Variants in KIF18B observed in about 807,000 individuals in gnomAD.
KIF18B encodes kinesin-like protein KIF18B.
KIF18B carries 49 observed loss-of-function variants against 80.9 expected under a neutral mutation model. The observed-to-expected ratio is 0.61, with a 90% CI of 0.48 to 0.77. The LOEUF (loss-of-function observed/expected upper bound fraction) is 0.77, where lower values mean the gene tolerates loss of function less well. Ranked by LOEUF, KIF18B falls within the 30% of genes least tolerant of loss-of-function variation. The pLI is 0.00. For synonymous variants in KIF18B, 439 were observed against 463.9 expected (o/e 0.95, Z 0.69); for missense variants, 994 against 1,127.7 (o/e 0.88, Z 1.70).
At chr17:44,935,084 AGGGTGAACAGGC>A in intron 3 of KIF18B, 149 bp from the exon 4 acceptor site, 1 of 874,264 alleles carries the variant, frequency 1.1e-6, no homozygotes, top group Non-Finnish European at 1.7e-6. Context: ...TGACCACAGC[AGGGTGAACAGGC>A]GGGTGTCTCT....
chr17:44,930,270 C>G (rs1317114285), intron 11 of KIF18B, among the ~76,000 whole-genome samples: 1 of 152,202 alleles, frequency 6.6e-6, no homozygotes, highest in East Asian at 1.9e-4. Flanking sequence ...CTATGTGAGC[C>G]TGGACAAAGG....
intron 1 of KIF18B, among the ~76,000 whole-genome samples, chr17:44,941,056 T>C (rs2052405490): frequency 6.6e-6 from 1 of 152,178 alleles, no homozygotes; most frequent in African/African-American, 2.4e-5. Context: ...ACAAGATGGA[T>C]ACTATTATTA....
In KIF18B at chr17:44,932,723, G is replaced by T; in HGVS notation, c.1188C>A (p.Pro396=). 1 of 1,613,142 alleles carries T rather than the reference G, an allele frequency of 6.2e-7. No individual in the cohort carries two copies. Among genetic ancestry groups the T allele is most frequent in the Non-Finnish European group, 8.5e-7 (1 of 1,179,746 alleles). The part of the protein sequence containing the change: ...KLQVYEGGGQ[P]PPQDLPGSPK... Reference sequence around the variant, plus strand: ...GAGATCCTGGGAGGTCCTGTGGTGGGGGCTGGCCTCCCCCCTCATACACTT... The same window carrying T: ...GAGATCCTGGGAGGTCCTGTGGTGGTGGCTGGCCTCCCCCCTCATACACTT... The change falls in exon 9 of 16, where the codon CCC becomes CCA. Residue 396 remains proline, a synonymous_variant. Coordinates refer to ENST00000593135, the MANE Select transcript of KIF18B (RefSeq NM_001265577.2).
At chr17:44,937,682 G>A (rs1042694501) in intron 1 of KIF18B, among the ~76,000 whole-genome samples, 7 of 152,010 alleles carry the variant, frequency 4.6e-5, no homozygotes, top group Admixed American at 1.3e-4. Context: ...ATACAATTAT[G>A]TATCAGAAGA....
chr17:44,935,842 G>A (rs1316024155), intron 2 of KIF18B, among the ~76,000 whole-genome samples, 190 bp downstream of exon 2: 3 of 152,188 alleles, frequency 2.0e-5, no homozygotes, highest in African/African-American at 7.2e-5. Context: ...GGGCCCAGTA[G>A]AGTGCCTCCC....
Position 44,935,394 on chromosome 17 carries a change from C to T in KIF18B, c.336G>A (p.Gly112=), listed in dbSNP as rs753379582. The change falls in exon 3 of 16, where the codon GGG becomes GGA. Residue 112 remains glycine (G), a synonymous_variant. Coordinates refer to ENST00000593135, the MANE Select transcript of KIF18B (RefSeq NM_001265577.2). ...NCSVFAYGAT[G]AGKTHTMLGR... Reference sequence around the variant, plus strand: ...CCAGCATGGTGTGTGTCTTCCCAGCCCCGGTGGCCCCGTAGGCAAACACTG... The same window carrying T: ...CCAGCATGGTGTGTGTCTTCCCAGCTCCGGTGGCCCCGTAGGCAAACACTG... 1.9e-6 allele frequency: 3 copies of T among 1,611,192 alleles called. No individual in the cohort carries two copies. Among genetic ancestry groups the T allele is most frequent in the Non-Finnish European group, 2.5e-6 (3 of 1,178,404 alleles).
In KIF18B at chr17:44,934,064, TTTGCTGTCCCGGTAGGGCACATGGGTC is replaced by T. The variant is rs2052220522; in HGVS notation, c.894_920del (p.Thr299_Lys307del). The T allele has an allele frequency of 1.2e-6, 2 of 1,612,334 alleles. No individual in the cohort carries two copies. Among genetic ancestry groups the T allele is most frequent in the Admixed American group, 1.7e-5 (1 of 59,790 alleles). Reference sequence around the variant, plus strand: ...GGGAGTCTTTGAGCAGGCGGGTCAGTTTGCTGTCCCGGTAGGGCACATGGGTCTTGCGGCCCTGGGGGGCAGTAAGCA... The same window carrying T: ...GGGAGTCTTTGAGCAGGCGGGTCAGTTTGCGGCCCTGGGGGGCAGTAAGCA... On this transcript the variant is annotated inframe_deletion, in exon 7 of 16. Coordinates refer to ENST00000593135, the MANE Select transcript of KIF18B (RefSeq NM_001265577.2). This position sits in a 1 kb window ranked among gnomAD's most constrained non-coding sequence, Gnocchi z 5.4.
intron 1 of KIF18B, among the ~76,000 whole-genome samples, chr17:44,937,811 T>A: frequency 6.6e-6 from 1 of 152,218 alleles, no homozygotes; most frequent in Non-Finnish European, 1.5e-5. Context: ...TGTGCATTCT[T>A]GTTTTGTTTC....
At chr17:44,937,688 G>C (rs948125808) in intron 1 of KIF18B, among the ~76,000 whole-genome samples, 2 of 152,056 alleles carry the variant, frequency 1.3e-5, no homozygotes, top group African/African-American at 4.8e-5. Context: ...TTATGTATCA[G>C]AAGAGGAAAA....
At chr17:44,935,517 T>C in intron 2 of KIF18B, 101 bp from the exon 3 acceptor site, 1 of 1,263,974 alleles carries the variant, frequency 7.9e-7, no homozygotes, top group South Asian at 1.6e-5. Context: ...CTGTGTTCCC[T>C]GGTCCATTAA....
At chr17:44,933,062 A>C in intron 7 of KIF18B, 76 bp from the exon 8 acceptor site, 1 of 1,372,848 alleles carries the variant, frequency 7.3e-7, no homozygotes, top group East Asian at 2.3e-5. Flanking sequence ...ATGGCCAGGC[A>C]CTGCACTAGG....
In KIF18B at chr17:44,935,212, C is replaced by T. The variant is rs775287010; in HGVS notation, c.471+47G>A. The T allele has an allele frequency of 2.0e-6, 3 of 1,522,540 alleles. No homozygotes were observed. The African/African-American group carries it at 4.1e-5, about 21-fold the overall frequency. 94.3% of individuals were successfully genotyped at this position (1,522,540 alleles called of 1,614,324 possible). On this transcript the variant is annotated intron_variant, in intron 3 of 15. Transcript: ENST00000593135. The stretch of plus-strand genomic sequence containing the variant: ...CTCACTCCACCCCATGGGCTCACTT[C>T]CCCCCGGGTGGTTGTGAGAACAAGG...
intron 1 of KIF18B, among the ~76,000 whole-genome samples, chr17:44,936,625 T>TATATATATATATATA (rs1491447262): frequency 6.4e-5 from 1 of 15,676 alleles, no homozygotes; most frequent in African/African-American, 3.2e-4. Flanking sequence ...TATATATATA[T>TATATATATATATATA]TTTTTTTTTT....
In KIF18B at chr17:44,943,200, T is replaced by C. The variant is rs192497967; in HGVS notation, c.-15+4428A>G. ...CTGCAAGCTCCGCCTCCTGGGTTCA[T>C]GCCATTCTCCTGCCTCAGCCTCCCA... is the stretch of plus-strand genomic sequence containing the variant. On this transcript the variant is annotated intron_variant, in intron 1 of 15. Coordinates refer to ENST00000593135, the MANE Select transcript of KIF18B (RefSeq NM_001265577.2). 5.6e-3 allele frequency among the ~76,000 whole-genome samples: 852 copies of C among 152,094 alleles called. 24 individuals are homozygous for C. Among genetic ancestry groups the C allele is most frequent in the East Asian group, 0.044 (225 of 5,172 alleles).
intron 11 of KIF18B, among the ~76,000 whole-genome samples, chr17:44,930,936 A>G (rs1012721254): frequency 1.3e-5 from 2 of 152,202 alleles, no homozygotes; most frequent in Non-Finnish European, 2.9e-5. Context: ...AACAAGAAAT[A>G]AAATTAAACA....
At chr17:44,944,275 T>C (rs142604777) in intron 1 of KIF18B, among the ~76,000 whole-genome samples, 75 of 152,238 alleles carry the variant, frequency 4.9e-4, no homozygotes, top group African/African-American at 1.6e-3. Context: ...GTTTTGCTCT[T>C]GTTGCCCAGC....
chr17:44,939,366 CAAAAA>C (rs781348504), intron 1 of KIF18B, among the ~76,000 whole-genome samples: 482 of 36,926 alleles, frequency 0.013, 1 homozygote, highest in East Asian at 0.054. Flanking sequence ...GACTCCATCT[CAAAAA>C]AAAAAAAAAA....
intron 1 of KIF18B, among the ~76,000 whole-genome samples, chr17:44,939,233 C>T (rs1321513342): frequency 2.0e-5 from 3 of 150,032 alleles, no homozygotes; most frequent in Non-Finnish European, 3.0e-5. Context: ...TAGTCGGGCA[C>T]GGTGGCGGGC....
rs763694450 is a variant in KIF18B at position 44,934,269 on chromosome 17, C to T, written c.849G>A (p.Ala283=). The T allele has an allele frequency of 6.2e-6, 10 of 1,612,932 alleles. No individual in the cohort carries two copies. The highest frequency in any genetic ancestry group is 1.6e-4 in the Middle Eastern group (1 of 6,084). The change falls in exon 6 of 16, where the codon GCG becomes GCA. Residue 283 remains alanine, a synonymous_variant. Coordinates refer to ENST00000593135, the MANE Select transcript of KIF18B (RefSeq NM_001265577.2). The surrounding 1 kb of genome is among the most constrained non-coding windows in gnomAD (Gnocchi z 5.4). The part of the protein sequence containing the change: ...EGANINRSLL[A]LINVLNALAD... ...CCAAGGCATTGAGGACGTTGATGAG[C>T]GCCAGCAGAGAGCGGTTGATGTTGG...
Sources: allele counts gnomAD v4.1 joint callset (sites outside exome capture counted in the v4.1 genomes callset), GRCh38; gene constraint gnomAD v4.1.1; non-coding constraint Gnocchi (gnomAD v3.1); transcripts MANE v1.5; gene names NCBI Gene and HGNC (gene_info 2026-07-23, HGNC 2026-07-21).